Variants in CCDC7 observed in about 807,000 individuals in gnomAD.
CCDC7 encodes coiled-coil domain-containing protein 7.
Under a neutral mutation model 196.9 loss-of-function variants are expected in CCDC7, and 183 were observed. The ratio of observed to expected loss-of-function variants is 0.93; its 90% confidence interval spans 0.82 to 1.05. The LOEUF is 1.05. Ranked by LOEUF, CCDC7 falls within the 50% of genes least tolerant of loss-of-function variation. The pLI is 0.00. For missense variants in CCDC7, 1,540 were observed against 1,482.2 expected (o/e 1.04, Z -0.64); for synonymous variants, 525 against 484.6 (o/e 1.08, Z -1.10).
chr10:32,814,434 A>T (rs1410748313), exon 31 of CCDC7: 1 of 1,610,814 alleles, frequency 6.2e-7, no homozygotes, highest in South Asian at 1.1e-5. Flanking sequence ...AATTCAAGAC[A>T]CGATCAAAGA....
intron 40 of CCDC7, 128 bp downstream of exon 41, chr10:32,852,060 G>C: frequency 1.1e-6 from 1 of 903,498 alleles, no homozygotes. Context: ...AGTAAATTGT[G>C]AGTTAAGTGC....
Position 32,798,966 on chromosome 10 carries a change from A to G in CCDC7, c.3014-6049A>G, listed in dbSNP as rs1592870525. Among the ~76,000 whole-genome samples, 9 of 152,216 alleles carry G rather than the reference A, an allele frequency of 5.9e-5. 3 individuals are homozygous for G. Among genetic ancestry groups the G allele is most frequent in the Admixed American group, 5.9e-4 (9 of 15,274 alleles). ...AGGGGAGAGAAGGCAGGGTGGCAGG[A>G]GTGGGGACCATGGGCATTTGAGCCA... On this transcript the variant is annotated intron_variant, in intron 29 of 41. Transcript: ENST00000639629.
chr10:32,844,524 T>G (rs998505789), intron 33 of CCDC7, among the ~76,000 whole-genome samples: 1 of 151,890 alleles, frequency 6.6e-6, no homozygotes, highest in Non-Finnish European at 1.5e-5. Context: ...AATTGACCTA[T>G]TTTTAAAAAT....
intron 11 of CCDC7, among the ~76,000 whole-genome samples, chr10:32,528,274 G>A (rs1286529859): frequency 2.7e-5 from 4 of 150,332 alleles, no homozygotes; most frequent in African/African-American, 9.8e-5. Context: ...TTTTTAAATT[G>A]TAATAGGTTT....
chr10:32,703,338 T>C (rs971004086), intron 24 of CCDC7, among the ~76,000 whole-genome samples: 4 of 152,104 alleles, frequency 2.6e-5, no homozygotes, highest in South Asian at 2.1e-4. Context: ...TGTTGAATAT[T>C]GGCCCCCACT....
intron 21 of CCDC7, among the ~76,000 whole-genome samples, chr10:32,680,472 G>A (rs185374634): frequency 7.1e-4 from 108 of 151,688 alleles, no homozygotes; most frequent in African/African-American, 2.3e-3. Context: ...GAGTACATGT[G>A]CACAACATGC....
At chr10:32,554,840 T>G (rs1448240711) in intron 13 of CCDC7, among the ~76,000 whole-genome samples, 1 of 152,216 alleles carries the variant, frequency 6.6e-6, no homozygotes, top group Non-Finnish European at 1.5e-5. Flanking sequence ...CATTAACCAT[T>G]GCCACTGCAC....
intron 28 of CCDC7, among the ~76,000 whole-genome samples, chr10:32,733,398 A>AG (rs1388934320): frequency 6.6e-6 from 1 of 152,134 alleles, no homozygotes; most frequent in Non-Finnish European, 1.5e-5. Flanking sequence ...AGAAAATGGA[A>AG]GAGGTATTAG....
At chr10:32,644,728 CT>C (rs1306847159) in intron 20 of CCDC7, among the ~76,000 whole-genome samples, 2 of 152,170 alleles carry the variant, frequency 1.3e-5, no homozygotes, top group African/African-American at 4.8e-5. Context: ...TTTGCTTTCA[CT>C]TCTTCCTCAT....
intron 28 of CCDC7, among the ~76,000 whole-genome samples, chr10:32,732,006 C>T (rs781149108): frequency 1.3e-5 from 2 of 152,056 alleles, no homozygotes; most frequent in Non-Finnish European, 2.9e-5. Context: ...TGAGCTGAAT[C>T]GGCCACTGCA....
intron 32 of CCDC7, among the ~76,000 whole-genome samples, chr10:32,828,175 C>T (rs534139727): frequency 6.6e-6 from 1 of 152,110 alleles, no homozygotes; most frequent in South Asian, 2.1e-4. Context: ...GAAGCCCAAG[C>T]CCCTTTAAGA....
At chr10:32,570,074 T>A (rs1193564803) in intron 15 of CCDC7, among the ~76,000 whole-genome samples, 1 of 152,172 alleles carries the variant, frequency 6.6e-6, no homozygotes, top group Non-Finnish European at 1.5e-5. Flanking sequence ...TCCAGACCTG[T>A]TATTCATTAA....
chr10:32,715,430 A>C (rs528682644), intron 25 of CCDC7, among the ~76,000 whole-genome samples: 1 of 152,232 alleles, frequency 6.6e-6, no homozygotes, highest in African/African-American at 2.4e-5. Flanking sequence ...AGATAAATCC[A>C]TGAAGATGAG....
intron 18 of CCDC7, among the ~76,000 whole-genome samples, chr10:32,628,061 T>C (rs2064306693): frequency 6.6e-6 from 1 of 151,932 alleles, no homozygotes; most frequent in Non-Finnish European, 1.5e-5. Context: ...TCATTTTCAA[T>C]TTTTTAGAAC....
intron 24 of CCDC7, among the ~76,000 whole-genome samples, chr10:32,699,662 T>C (rs2078320113): frequency 6.7e-6 from 1 of 149,434 alleles, no homozygotes; most frequent in African/African-American, 2.6e-5. Context: ...TAGTTTACAG[T>C]CCCACCAACA....
chr10:32,591,959 T>A (rs1342542651), intron 18 of CCDC7, among the ~76,000 whole-genome samples: 1 of 152,164 alleles, frequency 6.6e-6, no homozygotes, highest in African/African-American at 2.4e-5. Context: ...ATGAAGGTCC[T>A]TTTTTTGTGT....
At chr10:32,801,853 C>T (rs139296646) in intron 29 of CCDC7, among the ~76,000 whole-genome samples, 1,849 of 152,312 alleles carry the variant, frequency 0.012, 124 homozygotes, top group Admixed American at 0.11. Flanking sequence ...GTTGCCACCA[C>T]TTGGAGTGGG....
intron 13 of CCDC7, among the ~76,000 whole-genome samples, chr10:32,549,408 T>C (rs1167645954): frequency 6.6e-6 from 1 of 152,214 alleles, no homozygotes; most frequent in Non-Finnish European, 1.5e-5. Context: ...GCAAAAGCTT[T>C]TTAGTTTAAT....
intron 21 of CCDC7, among the ~76,000 whole-genome samples, chr10:32,674,958 T>C (rs924508844): frequency 1.3e-5 from 2 of 152,126 alleles, no homozygotes; most frequent in Non-Finnish European, 2.9e-5. Context: ...TTTTAGTGTT[T>C]AAGCCCGTCA....
Sources: allele counts gnomAD v4.1 joint callset (sites outside exome capture counted in the v4.1 genomes callset), GRCh38; gene constraint gnomAD v4.1.1; transcripts MANE v1.5; gene names NCBI Gene and HGNC (gene_info 2026-07-23, HGNC 2026-07-21).